Variants in KLHL1 observed in about 807,000 individuals in gnomAD.
KLHL1 encodes the protein kelch-like protein 1.
KLHL1 carries 47 observed loss-of-function variants against 77.7 expected under a neutral mutation model. The observed-to-expected ratio is 0.60, with a 90% confidence interval of 0.48 to 0.77. The LOEUF is 0.77. KLHL1 is among the 30% of genes least tolerant of loss of function. KLHL1 has a pLI of 0.00. For synonymous variants in KLHL1, 360 were observed against 325.2 expected, an observed-to-expected ratio of 1.11 and a Z score of -1.15; for missense variants, 925 against 910.8, an observed-to-expected ratio of 1.02 and a Z score of -0.20.
chr13:69,752,984 T>C (rs1410553448), intron 7 of KLHL1, among the ~76,000 whole-genome samples: 1 of 152,154 alleles, frequency 6.6e-6, no homozygotes, highest in Non-Finnish European at 1.5e-5. Flanking sequence ...GCCCATTCTT[T>C]TAAGACGTGG....
chr13:69,938,644 G>A (rs1883256592), intron 4 of KLHL1, among the ~76,000 whole-genome samples: 1 of 152,082 alleles, frequency 6.6e-6, no homozygotes, highest in Non-Finnish European at 1.5e-5. Flanking sequence ...AATGGTGGCA[G>A]TTGGACTTTG....
chr13:69,936,473 C>T (rs972559652), intron 4 of KLHL1, among the ~76,000 whole-genome samples: 4 of 151,506 alleles, frequency 2.6e-5, no homozygotes, highest in African/African-American at 9.7e-5. Flanking sequence ...CCTGTAGTCC[C>T]AGTTACTTGG....
At chr13:69,831,019 C>T (rs1465256641) in intron 6 of KLHL1, among the ~76,000 whole-genome samples, 1 of 148,670 alleles carries the variant, frequency 6.7e-6, no homozygotes, top group Non-Finnish European at 1.5e-5. Context: ...AACAGACAAT[C>T]AAAGATCACA....
intron 8 of KLHL1, among the ~76,000 whole-genome samples, chr13:69,732,174 TA>T (rs776730109): frequency 7.9e-5 from 12 of 152,172 alleles, no homozygotes; most frequent in Non-Finnish European, 1.8e-4. Flanking sequence ...TGAATTCATG[TA>T]TTTTTTTAAC....
intron 6 of KLHL1, among the ~76,000 whole-genome samples, chr13:69,838,712 T>C (rs555608722): frequency 8.4e-4 from 128 of 152,000 alleles, no homozygotes; most frequent in African/African-American, 2.5e-3. Flanking sequence ...ACAAATTGTT[T>C]GGCTTGTGTT....
At chr13:69,840,901 A>C (rs543659371) in intron 5 of KLHL1, among the ~76,000 whole-genome samples, 1 of 151,718 alleles carries the variant, frequency 6.6e-6, no homozygotes, top group Non-Finnish European at 1.5e-5. Flanking sequence ...CTGTGTGTCA[A>C]ATATATAGTT....
At chr13:69,713,661 G>A (rs1429435276) in intron 9 of KLHL1, among the ~76,000 whole-genome samples, 1 of 151,976 alleles carries the variant, frequency 6.6e-6, no homozygotes, top group Non-Finnish European at 1.5e-5. Flanking sequence ...AGAATTCTAA[G>A]AATTAAAGTT....
rs145728308 is a variant in KLHL1 at position 69,779,493 on chromosome 13, C to G, written c.1639+17245G>C. On this transcript the variant is annotated intron_variant, in intron 7 of 10. Transcript: ENST00000377844. ...TCCTTTTACTGTTGCTTTCCTTTTC[C>G]CTTCTTTCCTGTCCTTTTTCCTTTT... 8.4e-3 allele frequency among the ~76,000 whole-genome samples: 1,262 copies of G among 150,944 alleles called. 12 individuals carry two copies. Among genetic ancestry groups the G allele is most frequent in the Middle Eastern group, 0.01 (3 of 290 alleles).
At chr13:69,791,120 G>T (rs1456597081) in intron 7 of KLHL1, among the ~76,000 whole-genome samples, 2 of 151,892 alleles carry the variant, frequency 1.3e-5, no homozygotes, top group Non-Finnish European at 2.9e-5. Flanking sequence ...TATTAAATAT[G>T]TTCAGCCAGA....
At chr13:69,940,461 A>T (rs1295328314) in intron 3 of KLHL1, among the ~76,000 whole-genome samples, 3 of 152,132 alleles carry the variant, frequency 2.0e-5, no homozygotes, top group Non-Finnish European at 4.4e-5. Flanking sequence ...TGCAGTTTCA[A>T]TCAACATATC....
intron 7 of KLHL1, among the ~76,000 whole-genome samples, chr13:69,784,789 T>G (rs1452876988): frequency 6.6e-6 from 1 of 151,174 alleles, no homozygotes; most frequent in South Asian, 2.1e-4. Context: ...GACAGAAAGT[T>G]AACAAGGATA....
intron 4 of KLHL1, among the ~76,000 whole-genome samples, chr13:69,913,077 C>A (rs1882292767): frequency 6.6e-6 from 1 of 152,160 alleles, no homozygotes; most frequent in African/African-American, 2.4e-5. Context: ...AACTGGAGTT[C>A]CAGGTGCTTC....
At chr13:69,775,844 C>T (rs192115849) in intron 7 of KLHL1, among the ~76,000 whole-genome samples, 1 of 151,938 alleles carries the variant, frequency 6.6e-6, no homozygotes, top group African/African-American at 2.4e-5. Context: ...TAGGTGGTAA[C>T]TGCATTTTAA....
chr13:70,047,399 T>TTGTGTGTGTGTG (rs140790054), intron 1 of KLHL1, among the ~76,000 whole-genome samples: 1 of 149,776 alleles, frequency 6.7e-6, no homozygotes, highest in Non-Finnish European at 1.5e-5. Flanking sequence ...GGAAATCTGT[T>TTGTGTGTGTGTG]TGTGTGTGTG....
intron 6 of KLHL1, among the ~76,000 whole-genome samples, chr13:69,800,002 G>A (rs564451770): frequency 3.3e-5 from 5 of 152,230 alleles, no homozygotes; most frequent in African/African-American, 1.2e-4. Flanking sequence ...ATAACCTGAG[G>A]TGGAACAATT....
chr13:69,806,683 C>T (rs985742743), intron 6 of KLHL1, among the ~76,000 whole-genome samples: 1 of 152,294 alleles, frequency 6.6e-6, no homozygotes, highest in South Asian at 2.1e-4. Flanking sequence ...CCACTAGGGC[C>T]TCATGTCTGA....
chr13:69,700,651 A>T lies in KLHL1; in HGVS notation c.*1051T>A, dbSNP rs1875348640. 6.6e-6 allele frequency: 1 copy of T among 152,430 alleles called. No homozygotes were observed. The allele number at this position is 152,430 out of a possible 1,614,324, so 9.4% of individuals were successfully genotyped here. On this transcript the variant is annotated 3_prime_UTR_variant, in exon 11 of 11. Transcript: ENST00000377844. ...AATTAAAATTTACATGGGCCTATTT[A>T]TTAAGGACATTGTGTAATGTTTCCA...
intron 2 of KLHL1, among the ~76,000 whole-genome samples, chr13:69,974,405 T>C (rs1884483575): frequency 6.6e-6 from 1 of 151,360 alleles, no homozygotes. Context: ...AACTAAATAA[T>C]TTAGAAAATA....
chr13:69,751,837 T>C (rs1010237051), intron 7 of KLHL1, among the ~76,000 whole-genome samples: 8 of 152,168 alleles, frequency 5.3e-5, no homozygotes, highest in Non-Finnish European at 8.8e-5. Context: ...TGAGAGGTGA[T>C]AGTGTCTTGC....
Sources: gnomAD v4.1 joint callset for allele counts (sites outside exome capture counted in the v4.1 genomes callset) on GRCh38, gnomAD v4.1.1 for gene constraint, MANE v1.5 for transcripts, NCBI Gene and HGNC (gene_info 2026-07-23, HGNC 2026-07-21) for gene names.